The following SPOCK3 variants were observed in gnomAD, a reference collection of about 807,000 sequenced individuals.
SPOCK3 encodes the protein SPARC (osteonectin), cwcv and kazal like domains proteoglycan 3, also known as testican-3.
Under a neutral mutation model 56.6 loss-of-function variants are expected in SPOCK3, and 30 were observed. The observed-to-expected ratio is 0.53, with a 90% CI of 0.40 to 0.72. SPOCK3 has a LOEUF of 0.72. Ranked by LOEUF, SPOCK3 falls within the 30% of genes least tolerant of loss-of-function variation. The pLI is 0.00. For synonymous variants in SPOCK3, 196 were observed against 183.3 expected (o/e 1.07, Z -0.56); for missense variants, 527 against 530.0 (o/e 0.99, Z 0.06).
intron 3 of SPOCK3, among the ~76,000 whole-genome samples, chr4:167,040,711 A>C (rs1342788327): frequency 6.6e-6 from 1 of 152,196 alleles, no homozygotes; most frequent in Non-Finnish European, 1.5e-5. Flanking sequence ...AATGTAAACT[A>C]TGGCAGAATG....
intron 7 of SPOCK3, among the ~76,000 whole-genome samples, chr4:166,766,464 G>T (rs950063646): frequency 1.3e-5 from 2 of 152,094 alleles, no homozygotes; most frequent in African/African-American, 4.8e-5. Context: ...TTTTGTCTTT[G>T]GTTCTGTTTA....
At chr4:166,772,938 G>T (rs748230084) in intron 7 of SPOCK3, among the ~76,000 whole-genome samples, 7 of 152,106 alleles carry the variant, frequency 4.6e-5, no homozygotes, top group African/African-American at 7.2e-5. Flanking sequence ...ATAGGCACAA[G>T]CCACCATGCC....
At chr4:167,165,373 C>A (rs779099738) in intron 2 of SPOCK3, among the ~76,000 whole-genome samples, 2 of 151,888 alleles carry the variant, frequency 1.3e-5, no homozygotes, top group Non-Finnish European at 2.9e-5. Context: ...AAGAAAAAAA[C>A]AACCCCATCA....
chr4:167,025,504 A>G (rs1388066272), intron 3 of SPOCK3, among the ~76,000 whole-genome samples: 1 of 152,048 alleles, frequency 6.6e-6, no homozygotes, highest in Non-Finnish European at 1.5e-5. Context: ...AATATGTATA[A>G]CGATATTAAC....
chr4:167,184,669 T>G (rs1731797589), intron 2 of SPOCK3, among the ~76,000 whole-genome samples: 1 of 152,180 alleles, frequency 6.6e-6, no homozygotes, highest in South Asian at 2.1e-4. Flanking sequence ...TATCACAACT[T>G]TTAAAAACTG....
chr4:166,976,457 G>A (rs1207642731), intron 4 of SPOCK3, among the ~76,000 whole-genome samples: 1 of 152,042 alleles, frequency 6.6e-6, no homozygotes, highest in Non-Finnish European at 1.5e-5. Context: ...GTAACTAGGG[G>A]CTTGAATTTT....
At chr4:167,164,727 T>C (rs924073236) in intron 2 of SPOCK3, among the ~76,000 whole-genome samples, 1 of 152,118 alleles carries the variant, frequency 6.6e-6, no homozygotes, top group Non-Finnish European at 1.5e-5. Flanking sequence ...TTGCTGAGAA[T>C]GACGGCTTCC....
At chr4:167,007,123 T>C (rs1749544742) in intron 3 of SPOCK3, among the ~76,000 whole-genome samples, 1 of 152,162 alleles carries the variant, frequency 6.6e-6, no homozygotes, top group African/African-American at 2.4e-5. Context: ...TTCTCAGAAA[T>C]GTGTGAATTT....
At chr4:166,937,546 A>G in intron 4 of SPOCK3, among the ~76,000 whole-genome samples, 1 of 147,912 alleles carries the variant, frequency 6.8e-6, no homozygotes, top group Middle Eastern at 3.6e-3. Flanking sequence ...AATATATATT[A>G]TATATTACTA....
chr4:167,070,270 A>G (rs553908413), intron 2 of SPOCK3, among the ~76,000 whole-genome samples: 1 of 152,086 alleles, frequency 6.6e-6, no homozygotes, highest in East Asian at 2.0e-4. Context: ...CCAAATATTT[A>G]TAGTTGTGGG....
At chr4:167,191,140 TG>T (rs1378694814) in intron 2 of SPOCK3, among the ~76,000 whole-genome samples, 1 of 146,146 alleles carries the variant, frequency 6.8e-6, no homozygotes, top group Non-Finnish European at 1.5e-5. Flanking sequence ...AGTATAGGAT[TG>T]TTTTTTTATT....
At position 166,737,466 on chromosome 4, in the gene SPOCK3, C is replaced by A; in HGVS notation, c.1132+1G>T. 6.2e-7 allele frequency: 1 copy of A among 1,611,664 alleles called. No individual in the cohort carries two copies. The highest frequency in any genetic ancestry group is 8.5e-7 in the Non-Finnish European group (1 of 1,178,950). On this transcript the variant is annotated splice_donor_variant, in intron 10 of 10. Transcript: ENST00000357545. LOFTEE classifies it high-confidence loss of function. The stretch of plus-strand genomic sequence containing the variant: ...ATGAAATAAGTAACCCTTCTCCTTA[C>A]CACAATCTGCAACACCATTTATTCT...
rs185438835 is a variant in SPOCK3, at chr4:166,996,781, C to T, written c.350+3568G>A. On this transcript the variant is annotated intron_variant, in intron 4 of 10. Transcript: ENST00000357545. ...GGATGGTTTACACCATCCTTTACAC[C>T]GGCAGTGGTGGTCAAAACTAGACTA... 4.4e-3 allele frequency among the ~76,000 whole-genome samples: 669 copies of T among 152,154 alleles called. 6 individuals carry two copies. Among genetic ancestry groups the T allele is most frequent in the Non-Finnish European group, 4.4e-3 (302 of 68,000 alleles).
At chr4:167,095,555 T>C (rs939556878) in intron 2 of SPOCK3, among the ~76,000 whole-genome samples, 2 of 151,906 alleles carry the variant, frequency 1.3e-5, no homozygotes, top group Non-Finnish European at 2.9e-5. Context: ...AATAAAATTG[T>C]AGCCATAGTA....
chr4:166,991,380 T>TA (rs1230516194), intron 4 of SPOCK3, among the ~76,000 whole-genome samples: 4 of 151,072 alleles, frequency 2.6e-5, no homozygotes, highest in Non-Finnish European at 4.4e-5. Context: ...TTTATTTATT[T>TA]ATGTTTTGAG....
chr4:166,761,008 T>C (rs371461376), intron 7 of SPOCK3, among the ~76,000 whole-genome samples: 151 of 10,658 alleles, frequency 0.014, 27 homozygotes, highest in East Asian at 0.1. Flanking sequence ...GACAAAGGGC[T>C]AATATCCAGA....
chr4:166,912,646 A>T lies in SPOCK3; in HGVS notation c.448T>A (p.Ser150Thr). Residue 150 changes from serine to threonine, a missense_variant, in exon 5 of 11, where the codon TCA becomes ACA. Ser to Thr is a moderately conservative substitution (Grantham distance 58). Coordinates refer to ENST00000357545, the MANE Select transcript of SPOCK3 (RefSeq NM_001040159.2). ...PVVYPSPVCGSDGHTYSFQCK... is the reference protein window; with the variant it reads ...PVVYPSPVCGTDGHTYSFQCK... ...TGAAAAGAGTAGGTATGACCATCTG[A>T]ACCACAAACAGGGCTGGGATAGACC... The T allele has an allele frequency of 6.2e-7, 1 of 1,613,722 alleles. No homozygotes were observed.
At chr4:166,869,273 G>A (rs1039040559) in intron 6 of SPOCK3, among the ~76,000 whole-genome samples, 1 of 150,002 alleles carries the variant, frequency 6.7e-6, no homozygotes, top group African/African-American at 2.4e-5. Flanking sequence ...TTAAACACAT[G>A]CCAAATTATA....
chr4:167,130,518 AAT>A (rs1381561247), intron 2 of SPOCK3, among the ~76,000 whole-genome samples: 1 of 152,184 alleles, frequency 6.6e-6, no homozygotes, highest in African/African-American at 2.4e-5. Flanking sequence ...ATTTTAACCT[AAT>A]ATGTCATTTG....
Sources: gnomAD v4.1 joint callset for allele counts (sites outside exome capture counted in the v4.1 genomes callset) on GRCh38, gnomAD v4.1.1 for gene constraint, MANE v1.5 for transcripts, NCBI Gene and HGNC (gene_info 2026-07-23, HGNC 2026-07-21) for gene names.